The following KIF17 variants were observed in gnomAD, a reference collection of about 807,000 sequenced individuals.
KIF17 encodes the protein kinesin family member 17.
KIF17 carries 80 observed loss-of-function variants against 96.8 expected under a neutral mutation model. The ratio of observed to expected loss-of-function variants is 0.83; its 90% CI spans 0.69 to 1.00. KIF17 has a LOEUF of 1.00. Ranked by LOEUF, KIF17 falls within the 50% of genes least tolerant of loss-of-function variation. The pLI, the probability that KIF17 is intolerant of heterozygous loss-of-function variation, is 0.00. For missense variants in KIF17, 1,280 were observed against 1,372.9 expected, an observed-to-expected ratio of 0.93 and a Z score of 1.07; for synonymous variants, 567 against 587.5, an observed-to-expected ratio of 0.97 and a Z score of 0.51.
In KIF17 at chr1:20,672,233, G is replaced by A. The variant is rs2053660990; in HGVS notation, c.2464-37C>T. The A allele has an allele frequency of 6.2e-7, 1 of 1,611,648 alleles. No individual in the cohort carries two copies. The highest frequency in any genetic ancestry group is 1.1e-5 in the South Asian group (1 of 90,858). On this transcript the variant is annotated intron_variant, in intron 11 of 14. Coordinates refer to ENST00000400463, the MANE Select transcript of KIF17 (RefSeq NM_001122819.3). This position sits in a 1 kb window ranked among gnomAD's most constrained non-coding sequence, Gnocchi z 4.3. The stretch of plus-strand genomic sequence containing the variant: ...GGATGACAAGCAGTGAGCAGGGAAA[G>A]ATACCTCCCCTTCCATCTAACCACC...
intron 4 of KIF17, among the ~76,000 whole-genome samples, chr1:20,706,286 C>T (rs2054339438): frequency 6.6e-6 from 1 of 151,298 alleles, no homozygotes; most frequent in South Asian, 2.1e-4. Flanking sequence ...CCAGCTGGTT[C>T]TTTAGGCTAT....
At chr1:20,715,375 C>T in intron 2 of KIF17, 118 bp downstream of exon 2, 1 of 1,334,910 alleles carries the variant, frequency 7.5e-7, no homozygotes, top group Non-Finnish European at 1.1e-6. Context: ...GCCTTCTCTG[C>T]TGATCTGCAC....
rs2054015801 is a variant in KIF17, at chr1:20,690,324, C to A, written c.1245G>T (p.Glu415Asp). 9.4e-7 allele frequency: 1 copy of A among 1,062,988 alleles called. No individual in the cohort carries two copies. Among genetic ancestry groups the A allele is most frequent in the African/African-American group, 1.8e-5 (1 of 55,106 alleles). The allele number at this position is 1,062,988 out of a possible 1,614,324, so 65.8% of individuals were successfully genotyped here. The part of the protein sequence containing the change: ...EKQLIREEYE[E>D]RLARLKADYK... ...AGTCGGCTTTCAGCCGGGCCAGGCG[C>A]TCTTCATACTCCTGGGGGGGTGGGA... is the stretch of plus-strand genomic sequence containing the variant. The change falls in exon 7 of 15, where the codon GAG becomes GAT. Residue 415 changes from glutamate to aspartate, a missense_variant. By Grantham distance (45) the Glu-to-Asp change is conservative. Transcript: ENST00000400463.
intron 4 of KIF17, among the ~76,000 whole-genome samples, chr1:20,705,280 C>G (rs1242296494): frequency 6.6e-6 from 1 of 152,192 alleles, no homozygotes; most frequent in Non-Finnish European, 1.5e-5. Context: ...TGGGCTGGAT[C>G]ACCAGGGAGT....
chr1:20,704,782 A>G lies in KIF17; in HGVS notation c.788T>C (p.Ile263Thr). The G allele has an allele frequency of 6.2e-7, 1 of 1,611,110 alleles. No homozygotes were observed. Among genetic ancestry groups the G allele is most frequent in the South Asian group, 1.1e-5 (1 of 91,006 alleles). ...TGERLKEATK[I>T]NLSLSALGNV... ...GCCCAGTGCCGAGAGCGACAGGTTGATCTTGGTGGCCTCCTTGAGCCGCTC... is the reference window on the plus strand; with the variant it reads ...GCCCAGTGCCGAGAGCGACAGGTTGGTCTTGGTGGCCTCCTTGAGCCGCTC... Residue 263 changes from isoleucine (I) to threonine (T), a missense_variant, in exon 5 of 15, where the codon ATC (isoleucine) becomes ACC (threonine). Coordinates refer to ENST00000400463, the MANE Select transcript of KIF17 (RefSeq NM_001122819.3). This position sits in a 1 kb window ranked among gnomAD's most constrained non-coding sequence, Gnocchi z 6.8.
In KIF17 at chr1:20,709,718, C is replaced by T. The variant is rs533349338; in HGVS notation, c.591G>A (p.Ser197=). ...CCTTGTTCATCAGCGTGTAGCCGAC[C>T]GAACGGTTCTTCCAGCCAGTCTCCA... The part of the protein sequence containing the change: ...HIMETGWKNR[S]VGYTLMNKDS... Residue 197 remains serine, a synonymous_variant, in exon 4 of 15, where the codon TCG becomes TCA. Transcript: ENST00000400463. This position sits in a 1 kb window ranked among gnomAD's most constrained non-coding sequence, Gnocchi z 4.7. The T allele has an allele frequency of 5.4e-5, 87 of 1,614,084 alleles. No individual in the cohort carries two copies. The South Asian group carries it at 7.6e-4, about 14-fold the overall frequency.
chr1:20,708,970 T>C lies in KIF17; in HGVS notation c.670+669A>G, dbSNP rs912605774. 3.3e-4 allele frequency among the ~76,000 whole-genome samples: 51 copies of C among 152,326 alleles called. 1 individual carries two copies. The highest frequency in any genetic ancestry group is 1.2e-3 in the African/African-American group (50 of 41,576). On this transcript the variant is annotated intron_variant, in intron 4 of 14. Coordinates refer to ENST00000400463, the MANE Select transcript of KIF17 (RefSeq NM_001122819.3). ...CACACTCCAGAGGAAGACCCTGGGATAGAAGCCAGGCTCTGACACTAGTTC... is the reference window on the plus strand; with the variant it reads ...CACACTCCAGAGGAAGACCCTGGGACAGAAGCCAGGCTCTGACACTAGTTC...
chr1:20,712,717 A>ATAG lies in KIF17; in HGVS notation c.480+736_480+737insCTA, dbSNP rs1557606643. Among the ~76,000 whole-genome samples the ATAG allele has an allele frequency of 8.2e-4, 24 of 29,358 alleles. 1 individual carries two copies. The highest frequency in any genetic ancestry group is 1.7e-3 in the African/African-American group (14 of 8,382). The allele number at this position is 29,358 out of a possible 152,430, so 19.3% of individuals were successfully genotyped here. A position where few individuals can be genotyped will look rare whatever the true frequency, so the allele number is the denominator to read the frequency against. On this transcript the variant is annotated intron_variant, in intron 3 of 14. Coordinates refer to ENST00000400463, the MANE Select transcript of KIF17 (RefSeq NM_001122819.3). ...TATAGATAATATTATCTATATATAAAATTATATTATATCTATATATATTAT... is the reference window on the plus strand; with the variant it reads ...TATAGATAATATTATCTATATATAAATAGATTATATTATATCTATATATATTAT...
chr1:20,713,314 TAAAAA>T (rs373620869), intron 3 of KIF17, 135 bp downstream of exon 3: 4 of 521,614 alleles, frequency 7.7e-6, no homozygotes. Flanking sequence ...TTTTTTTAAT[TAAAAA>T]AAAAAAAAAA....
rs745558176 is a variant in KIF17, at chr1:20,704,941, C to A, written c.671-42G>T. 1 of 1,564,084 alleles carries A rather than the reference C, an allele frequency of 6.4e-7. No homozygotes were observed. The highest frequency in any genetic ancestry group is 1.3e-5 in the African/African-American group (1 of 74,298). On this transcript the variant is annotated intron_variant, in intron 4 of 14. Coordinates refer to ENST00000400463, the MANE Select transcript of KIF17 (RefSeq NM_001122819.3). This position sits in a 1 kb window ranked among gnomAD's most constrained non-coding sequence, Gnocchi z 6.8. ...CAAAGTGGCGAGGGCCTCGGGTGAG[C>A]CCTATGTATCGAGGGCAATCAGTGC... is the stretch of plus-strand genomic sequence containing the variant.
Position 20,690,352 on chromosome 1 carries a change from G to GTCCA in KIF17, c.1234-18_1234-17insTGGA. The GTCCA allele has an allele frequency of 2.2e-6, 1 of 451,172 alleles. No homozygotes were observed. Among genetic ancestry groups the GTCCA allele is most frequent in the Non-Finnish European group, 4.3e-6 (1 of 235,150 alleles). 27.9% of individuals were successfully genotyped at this position (451,172 alleles called of 1,614,324 possible). On this transcript the variant is annotated splice_polypyrimidine_tract_variant and intron_variant, in intron 6 of 14. Coordinates refer to ENST00000400463, the MANE Select transcript of KIF17 (RefSeq NM_001122819.3). ...TTCATACTCCTGGGGGGGTGGGAGG[G>GTCCA]ACCAGAGGGCAGGCAGCATTTTATC...
At position 20,690,188 on chromosome 1, in the gene KIF17, C is replaced by G; in HGVS notation, c.1381G>C (p.Glu461Gln). The change falls in exon 7 of 15, where the codon GAG becomes CAG. Residue 461 changes from glutamate (E) to glutamine (Q), a missense_variant and splice_region_variant. By Grantham distance (29) the Glu-to-Gln change is conservative (BLOSUM62 2). Transcript: ENST00000400463. ...GCCTCGGGGGGCAAGGGGTGCCCACCTGTCTCCTTCCGCAGGTTCTCCTCC... is the reference window on the plus strand; with the variant it reads ...GCCTCGGGGGGCAAGGGGTGCCCACGTGTCTCCTTCCGCAGGTTCTCCTCC... ...TLEENLRKET[E>Q]AVLQVGVLYK... is the part of the protein sequence containing the mutation. The G allele has an allele frequency of 6.2e-7, 1 of 1,614,164 alleles. No homozygotes were observed. Among genetic ancestry groups the G allele is most frequent in the East Asian group, 2.2e-5 (1 of 44,874 alleles).
intron 6 of KIF17, among the ~76,000 whole-genome samples, chr1:20,697,760 G>GT (rs2154536799): frequency 6.6e-6 from 1 of 152,146 alleles, no homozygotes; most frequent in South Asian, 2.1e-4. Flanking sequence ...GAGTGGGGGG[G>GT]CCCCCGCCAT....
rs989888717 is a variant in KIF17, at chr1:20,684,905, G to A, written c.2135C>T (p.Ala712Val). 1.3e-6 allele frequency: 2 copies of A among 1,594,676 alleles called. 1 individual carries two copies. The highest frequency in any genetic ancestry group is 2.3e-5 in the South Asian group (2 of 88,250). ...GCTCTCCCTCTTCACACCAGCTGTG[G>A]CCGGCAGGGGCTCAGGCTGAGCCAC... is the stretch of plus-strand genomic sequence containing the variant. ...ALVAQPEPLP[A>V]TAGVKRESVG... The change falls in exon 10 of 15, where the codon GCC becomes GTC. Residue 712 changes from alanine (A) to valine (V), a missense_variant. Coordinates refer to ENST00000400463, the MANE Select transcript of KIF17 (RefSeq NM_001122819.3).
At chr1:20,708,831 C>A (rs2154537485) in intron 4 of KIF17, among the ~76,000 whole-genome samples, 1 of 152,298 alleles carries the variant, frequency 6.6e-6, no homozygotes, top group South Asian at 2.1e-4. Context: ...ACATGGATTT[C>A]TTTCCTTCCT....
At chr1:20,670,617 A>C in intron 12 of KIF17, 129 bp from the exon 13 acceptor site, 1 of 841,486 alleles carries the variant, frequency 1.2e-6, no homozygotes. Context: ...GCCCAAGCCA[A>C]GGGATAATTT....
chr1:20,695,969 C>G (rs2054131233), intron 6 of KIF17, among the ~76,000 whole-genome samples: 1 of 136,912 alleles, frequency 7.3e-6, no homozygotes, highest in Non-Finnish European at 1.6e-5. Context: ...ACATGATACA[C>G]AGCCCGCCAA....
chr1:20,685,847 A>G lies in KIF17; in HGVS notation c.2019+199T>C, dbSNP rs2053927833. ...CCATCTAGAACAACAGGCCACTTTC[A>G]CTCCATAAGAAGAAGATGATGGTTC... is the stretch of plus-strand genomic sequence containing the variant. On this transcript the variant is annotated intron_variant, in intron 9 of 14. Coordinates refer to ENST00000400463, the MANE Select transcript of KIF17 (RefSeq NM_001122819.3). This position sits in a 1 kb window ranked among gnomAD's most constrained non-coding sequence, Gnocchi z 4.1. Among the ~76,000 whole-genome samples, 1 of 151,946 alleles carries G rather than the reference A, an allele frequency of 6.6e-6. No individual in the cohort carries two copies. The highest frequency in any genetic ancestry group is 2.1e-4 in the South Asian group (1 of 4,818).
At position 20,685,352 on chromosome 1, in the gene KIF17, G is replaced by A. The variant is rs1050220106; in HGVS notation, c.2020-332C>T. 7 of 479,914 alleles carry A rather than the reference G, an allele frequency of 1.5e-5. No homozygotes were observed. The highest frequency in any genetic ancestry group is 4.7e-5 in the East Asian group (1 of 21,100). The allele number at this position is 479,914 out of a possible 1,614,324, so 29.7% of individuals were successfully genotyped here. A position where few individuals can be genotyped will look rare whatever the true frequency, so the allele number is the denominator to read the frequency against. On this transcript the variant is annotated intron_variant, in intron 9 of 14. Coordinates refer to ENST00000400463, the MANE Select transcript of KIF17 (RefSeq NM_001122819.3). This position sits in a 1 kb window ranked among gnomAD's most constrained non-coding sequence, Gnocchi z 4.1. ...CCCCATGTGACTTCCCGTCACGTTC[G>A]CAGGAAAGTCCACTTTCCTCCCTGC...
Sources: gnomAD v4.1 joint callset for allele counts (sites outside exome capture counted in the v4.1 genomes callset) on GRCh38, gnomAD v4.1.1 for gene constraint, Gnocchi (gnomAD v3.1) non-coding constraint, MANE v1.5 for transcripts, NCBI Gene and HGNC (gene_info 2026-07-23, HGNC 2026-07-21) for gene names.